Variants in PPP4R2 observed in about 807,000 individuals in gnomAD.
PPP4R2 encodes serine/threonine-protein phosphatase 4 regulatory subunit 2.
A neutral mutation model predicts 47.2 loss-of-function variants in PPP4R2; 13 were observed. That is an observed-to-expected ratio of 0.28 (90% CI 0.18 to 0.44). The LOEUF (loss-of-function observed/expected upper bound fraction) is 0.44. Among genes scored for constraint, PPP4R2 ranks in the 20% least tolerant of loss-of-function variants. The pLI is 1.00. For synonymous variants in PPP4R2, 151 were observed against 163.3 expected, an observed-to-expected ratio of 0.92 and a Z score of 0.57; for missense variants, 421 against 491.2, an observed-to-expected ratio of 0.86 and a Z score of 1.35.
chr3:73,020,638 C>G (rs1575851911), intron 2 of PPP4R2, among the ~76,000 whole-genome samples: 1 of 148,334 alleles, frequency 6.7e-6, no homozygotes, highest in Admixed American at 6.8e-5. Context: ...CCACTGCACT[C>G]CAGCCTGGGC....
intron 2 of PPP4R2, among the ~76,000 whole-genome samples, chr3:73,005,994 A>G (rs1275833771): frequency 1.3e-5 from 2 of 152,260 alleles, no homozygotes; most frequent in East Asian, 1.9e-4. Flanking sequence ...AAGTTTGCTC[A>G]TGCCCCATTG....
At chr3:73,047,128 G>T in intron 2 of PPP4R2, 58 bp from the exon 3 acceptor site, 2 of 960,002 alleles carry the variant, frequency 2.1e-6, no homozygotes, top group South Asian at 3.5e-5. Context: ...TTTGTGTTTT[G>T]TGTTCAAGAA....
intron 2 of PPP4R2, among the ~76,000 whole-genome samples, chr3:73,012,407 C>G (rs1376088599): frequency 6.6e-6 from 1 of 152,146 alleles, no homozygotes; most frequent in Admixed American, 6.5e-5. Flanking sequence ...TCACGCCATT[C>G]TCCTGCCTCA....
intron 2 of PPP4R2, among the ~76,000 whole-genome samples, chr3:73,031,435 C>T (rs754081850): frequency 1.9e-4 from 29 of 151,874 alleles, no homozygotes; most frequent in Admixed American, 1.3e-3. Flanking sequence ...CCCAGCTACT[C>T]GGGAGGCTGA....
intron 2 of PPP4R2, among the ~76,000 whole-genome samples, chr3:73,018,010 C>T (rs1465243482): frequency 4.6e-5 from 7 of 152,120 alleles, no homozygotes; most frequent in Admixed American, 4.6e-4. Flanking sequence ...GGTAAACTGG[C>T]TGGGACACTG....
chr3:73,065,008 C>A lies in PPP4R2; in HGVS notation c.795C>A (p.Ser265=). The part of the protein sequence containing the change: ...EVRETASQTT[S]SEISSVMVGE... ...GAGAAACAGCCAGTCAAACGACTTC[C>A]AGCGAAATTTCTTCAGTTATGGTAG... is the stretch of plus-strand genomic sequence containing the variant. Residue 265 remains serine, a synonymous_variant, in exon 8 of 9, where the codon TCC becomes TCA. Coordinates refer to ENST00000356692, the MANE Select transcript of PPP4R2 (RefSeq NM_174907.4). 1 of 1,613,848 alleles carries A rather than the reference C, an allele frequency of 6.2e-7. No homozygotes were observed. The highest frequency in any genetic ancestry group is 8.5e-7 in the Non-Finnish European group (1 of 1,179,834).
chr3:73,065,979 A>ATTTTTTTTTTTTTT lies in PPP4R2; in HGVS notation c.*259_*272dup, dbSNP rs35050858. The ATTTTTTTTTTTTTT allele has an allele frequency of 5.5e-6, 1 of 183,372 alleles. No homozygotes were observed. Among genetic ancestry groups the ATTTTTTTTTTTTTT allele is most frequent in the Non-Finnish European group, 1.1e-5 (1 of 93,120 alleles). The allele number at this position is 183,372 out of a possible 1,614,324, so 11.4% of individuals were successfully genotyped here. A position where few individuals can be genotyped will look rare whatever the true frequency, so the allele number is the denominator to read the frequency against. On this transcript the variant is annotated 3_prime_UTR_variant, in exon 9 of 9. Transcript: ENST00000356692. ...GGGCAAATCAGTGGTTTGTGTATAGATTTTTTTTTTTTTTTAATTTAGGAT... is the reference window on the plus strand; with the variant it reads ...GGGCAAATCAGTGGTTTGTGTATAGATTTTTTTTTTTTTTTTTTTTTTTTTTTTTAATTTAGGAT...
At chr3:73,019,681 G>A (rs1019925623) in intron 2 of PPP4R2, among the ~76,000 whole-genome samples, 1 of 152,174 alleles carries the variant, frequency 6.6e-6, no homozygotes, top group Non-Finnish European at 1.5e-5. Flanking sequence ...GCCCCTAGAA[G>A]CTATTATTTG....
Position 73,066,862 on chromosome 3 carries a change from A to G in PPP4R2, c.*1140A>G, listed in dbSNP as rs1157127887. On this transcript the variant is annotated 3_prime_UTR_variant, in exon 9 of 9. Transcript: ENST00000356692. ...TGAAGTGAATTAAATATTTTTGAAC[A>G]TGCTTCTTCGACAGCCAGTGTTATA... 1 of 152,094 alleles carries G rather than the reference A, an allele frequency of 6.6e-6. No homozygotes were observed. The highest frequency in any genetic ancestry group is 1.5e-5 in the Non-Finnish European group (1 of 67,940). The allele number at this position is 152,094 out of a possible 1,614,324, so 9.4% of individuals were successfully genotyped here.
rs988988711 is a variant in PPP4R2 at position 73,066,765 on chromosome 3, T to G, written c.*1043T>G. 6.6e-6 allele frequency: 1 copy of G among 152,062 alleles called. No individual in the cohort carries two copies. The highest frequency in any genetic ancestry group is 1.5e-5 in the Non-Finnish European group (1 of 67,946). 9.4% of individuals were successfully genotyped at this position (152,062 alleles called of 1,614,324 possible). A position where few individuals can be genotyped will look rare whatever the true frequency, so the allele number is the denominator to read the frequency against. ...GTACTGGAAGAATTAATATATTACT[T>G]TAGTATGTACCTGAGCTAAATGACT... On this transcript the variant is annotated 3_prime_UTR_variant, in exon 9 of 9. Transcript: ENST00000356692.
intron 2 of PPP4R2, among the ~76,000 whole-genome samples, chr3:73,037,083 A>G (rs1002968201): frequency 6.6e-5 from 10 of 152,162 alleles, no homozygotes; most frequent in Non-Finnish European, 1.5e-4. Context: ...TTTGCTGTAT[A>G]TCACATGGAT....
chr3:73,050,353 C>T (rs1042055978), intron 3 of PPP4R2, among the ~76,000 whole-genome samples: 2 of 152,114 alleles, frequency 1.3e-5, no homozygotes, highest in Non-Finnish European at 1.5e-5. Context: ...ATCAGTGATA[C>T]ATCAAGATTT....
intron 2 of PPP4R2, among the ~76,000 whole-genome samples, chr3:73,000,128 G>A (rs1013058428): frequency 6.6e-6 from 1 of 152,180 alleles, no homozygotes; most frequent in Non-Finnish European, 1.5e-5. Context: ...GCTCATGCCT[G>A]TATCTCAGCA....
rs1460413505 is a variant in PPP4R2, at chr3:73,066,871, C to CA, written c.*1149_*1150insA. 6.6e-6 allele frequency: 1 copy of CA among 151,920 alleles called. No individual in the cohort carries two copies. Among genetic ancestry groups the CA allele is most frequent in the Non-Finnish European group, 1.5e-5 (1 of 67,904 alleles). 9.4% of individuals were successfully genotyped at this position (151,920 alleles called of 1,614,324 possible). On this transcript the variant is annotated 3_prime_UTR_variant, in exon 9 of 9. Coordinates refer to ENST00000356692, the MANE Select transcript of PPP4R2 (RefSeq NM_174907.4). ...TTAAATATTTTTGAACATGCTTCTT[C>CA]GACAGCCAGTGTTATATTTTTCAGA...
chr3:73,050,985 G>A (rs543372308), intron 3 of PPP4R2, among the ~76,000 whole-genome samples: 1 of 152,132 alleles, frequency 6.6e-6, no homozygotes, highest in Non-Finnish European at 1.5e-5. Context: ...AACGATCTCG[G>A]CTCACCACAT....
chr3:73,030,011 G>A (rs1412704882), intron 2 of PPP4R2, among the ~76,000 whole-genome samples: 1 of 152,160 alleles, frequency 6.6e-6, no homozygotes, highest in Non-Finnish European at 1.5e-5. Flanking sequence ...AGAGATAATG[G>A]GAGGGAGACA....
At chr3:73,046,490 C>T (rs1232686305) in intron 2 of PPP4R2, among the ~76,000 whole-genome samples, 1 of 152,044 alleles carries the variant, frequency 6.6e-6, no homozygotes, top group African/African-American at 2.4e-5. Flanking sequence ...CACAAAATTT[C>T]CTTTTATATT....
chr3:73,022,447 C>G (rs940747891), intron 2 of PPP4R2, among the ~76,000 whole-genome samples: 2 of 152,118 alleles, frequency 1.3e-5, no homozygotes, highest in Non-Finnish European at 2.9e-5. Flanking sequence ...GTGAAAGTTA[C>G]AGTGTCAAGT....
chr3:73,044,566 A>G (rs991891811), intron 2 of PPP4R2, among the ~76,000 whole-genome samples: 13 of 152,172 alleles, frequency 8.5e-5, no homozygotes, highest in African/African-American at 2.7e-4. Context: ...AGCCCTGGCA[A>G]CGGAGTGACA....
Sources: allele counts gnomAD v4.1 joint callset (sites outside exome capture counted in the v4.1 genomes callset), GRCh38; gene constraint gnomAD v4.1.1; transcripts MANE v1.5; gene names NCBI Gene and HGNC (gene_info 2026-07-23, HGNC 2026-07-21).